TANC1: variants seen among roughly 807,000 people sequenced by gnomAD.
The protein encoded by TANC1 is protein TANC1.
TANC1 carries 77 observed loss-of-function variants against 149.7 expected under a neutral mutation model. The observed-to-expected ratio is 0.51, with a 90% CI of 0.43 to 0.62. The LOEUF is 0.62. Among genes scored for constraint, TANC1 ranks in the 20% least tolerant of loss-of-function variants. TANC1 has a pLI of 0.00. For missense variants in TANC1, 1,985 were observed against 2,321.8 expected, an observed-to-expected ratio of 0.85 and a Z score of 2.98; for synonymous variants, 854 against 925.0, an observed-to-expected ratio of 0.92 and a Z score of 1.39.
At chr2:159,152,514 C>T (rs2052949502) in intron 7 of TANC1, among the ~76,000 whole-genome samples, 2 of 130,774 alleles carry the variant, frequency 1.5e-5, no homozygotes, top group South Asian at 4.8e-4. Context: ...TTTCTTGAGA[C>T]AGGGTTTTGC....
At chr2:159,040,465 C>T (rs2040541036) in intron 2 of TANC1, among the ~76,000 whole-genome samples, 1 of 152,102 alleles carries the variant, frequency 6.6e-6, no homozygotes, top group Non-Finnish European at 1.5e-5. Flanking sequence ...TTTCTTTTTA[C>T]TCTTCTTTCT....
intron 2 of TANC1, among the ~76,000 whole-genome samples, chr2:159,035,495 T>G (rs73969423): frequency 0.097 from 14,757 of 152,254 alleles, 733 homozygotes; most frequent in Non-Finnish European, 0.11. Flanking sequence ...AATCTAAAAT[T>G]TATTCTGAAG....
chr2:159,132,330 A>G (rs1401670944), intron 4 of TANC1, among the ~76,000 whole-genome samples: 1 of 151,972 alleles, frequency 6.6e-6, no homozygotes, highest in Non-Finnish European at 1.5e-5. Context: ...CATTACTGTG[A>G]TTTAGTGTGC....
chr2:158,981,491 T>TTATATATATATATA (rs10602195), intron 1 of TANC1, among the ~76,000 whole-genome samples: 3 of 34,344 alleles, frequency 8.7e-5, no homozygotes, highest in African/African-American at 7.7e-5. Context: ...TATATAGCTT[T>TTATATATATATATA]TATATATATA....
intron 14 of TANC1, among the ~76,000 whole-genome samples, chr2:159,185,012 G>A (rs530895203): frequency 5.3e-5 from 8 of 152,306 alleles, no homozygotes; most frequent in South Asian, 4.1e-4. Context: ...AGGAGGATGC[G>A]TTTTAAAACA....
intron 3 of TANC1, among the ~76,000 whole-genome samples, chr2:159,094,887 G>A (rs2045938139): frequency 1.3e-5 from 2 of 152,080 alleles, no homozygotes; most frequent in Admixed American, 6.5e-5. Flanking sequence ...TTTGTCCTGG[G>A]CATTTGCATG....
Position 159,163,446 on chromosome 2 carries a change from G to C in TANC1, c.846G>C (p.Glu282Asp). Residue 282 changes from glutamate to aspartate, a missense_variant, in exon 8 of 27, where the codon GAG (glutamate) becomes GAC (aspartate). Physicochemically the swap from Glu to Asp is conservative, Grantham distance 45. Transcript: ENST00000263635. ...AAGAGGAGACCACCGGGTCAGCAGA[G>C]AGCACGCTGCCCAAAGCAGAATCCT... Reference protein sequence around the residue: ...VAEEETTGSAESTLPKAESSA... With the variant: ...VAEEETTGSADSTLPKAESSA... 26 of 1,614,092 alleles carry C rather than the reference G, an allele frequency of 1.6e-5. No individual in the cohort carries two copies. The highest frequency in any genetic ancestry group is 2.7e-5 in the African/African-American group (2 of 75,052).
intron 4 of TANC1, among the ~76,000 whole-genome samples, chr2:159,102,290 T>C (rs116974352): frequency 6.6e-6 from 1 of 152,242 alleles, no homozygotes; most frequent in East Asian, 1.9e-4. Flanking sequence ...GTTTTTTTTA[T>C]TTGTTTTGAG....
rs556633968 is a variant in TANC1 at position 159,061,851 on chromosome 2, T to C, written c.-15-4045T>C. 2.6e-5 allele frequency among the ~76,000 whole-genome samples: 4 copies of C among 152,326 alleles called. No homozygotes were observed. The South Asian group carries it at 8.3e-4, about 32-fold the overall frequency. On this transcript the variant is annotated intron_variant, in intron 2 of 26. Transcript: ENST00000263635. ...GTATTTGAGTTCAACAGTACCTTTG[T>C]TCTACTTGCTGTCATAGAGGCTAAG...
intron 19 of TANC1, among the ~76,000 whole-genome samples, chr2:159,214,605 G>A (rs949088308): frequency 2.6e-5 from 4 of 152,252 alleles, no homozygotes; most frequent in African/African-American, 9.6e-5. Context: ...CCCAGTGCAT[G>A]TGAAGGACTG....
At chr2:159,041,911 A>G (rs2040671428) in intron 2 of TANC1, among the ~76,000 whole-genome samples, 1 of 152,158 alleles carries the variant, frequency 6.6e-6, no homozygotes, top group Non-Finnish European at 1.5e-5. Context: ...CTATTCAGCC[A>G]TCTTGGAACC....
chr2:159,224,364 G>C lies in TANC1; in HGVS notation c.3811G>C (p.Gly1271Arg). The C allele has an allele frequency of 6.2e-7, 1 of 1,614,118 alleles. No homozygotes were observed. The highest frequency in any genetic ancestry group is 2.2e-5 in the East Asian group (1 of 44,884). The change falls in exon 23 of 27, where the codon GGA becomes CGA. Residue 1271 changes from glycine to arginine, a missense_variant and splice_region_variant. By Grantham distance (125) the Gly-to-Arg change is moderately radical. Transcript: ENST00000263635. Reference protein sequence around the residue: ...VALLRKGAKLGNAAWAMATSK... With the variant: ...VALLRKGAKLRNAAWAMATSK... ...GCTACTCAGAAAGGGAGCCAAGTTA[G>C]GTCAGTGAGCACTGCCTCCATTGAG... is the stretch of plus-strand genomic sequence containing the variant.
In TANC1 at chr2:159,117,685, C is replaced by T. The variant is rs995880787; in HGVS notation, c.260-18509C>T. Among the ~76,000 whole-genome samples, 67 of 147,758 alleles carry T rather than the reference C, an allele frequency of 4.5e-4. 1 individual carries two copies. The highest frequency in any genetic ancestry group is 1.4e-3 in the African/African-American group (58 of 40,100). ...TGCTGGGATTACAGGCGTGAGCCAC[C>T]GTGCCCGGCCTATTCCTTTTTTTTT... On this transcript the variant is annotated intron_variant, in intron 4 of 26. Coordinates refer to ENST00000263635, the MANE Select transcript of TANC1 (RefSeq NM_033394.3).
chr2:159,097,506 A>C (rs2046258388), intron 3 of TANC1, 131 bp from the exon 4 acceptor site: 1 of 722,500 alleles, frequency 1.4e-6, no homozygotes, highest in East Asian at 2.6e-5. Context: ...GGGAAAAGTC[A>C]TTTAAAAAAA....
chr2:159,056,735 G>C, intron 2 of TANC1: 1 of 287,772 alleles, frequency 3.5e-6, no homozygotes, highest in Admixed American at 3.2e-5. Context: ...ACATGTGCTT[G>C]CCAGCAGTGT....
At chr2:159,017,622 T>G (rs1195837323) in intron 2 of TANC1, among the ~76,000 whole-genome samples, 2 of 152,136 alleles carry the variant, frequency 1.3e-5, no homozygotes, top group East Asian at 3.8e-4. Context: ...TTAAATTTGC[T>G]TATATTTCAC....
At chr2:159,052,237 TC>T (rs368940682) in intron 2 of TANC1, among the ~76,000 whole-genome samples, 2,870 of 95,330 alleles carry the variant, frequency 0.03, 56 homozygotes, top group Non-Finnish European at 0.069. Context: ...TTGTACATTG[TC>T]TGTCACAGTA....
At chr2:159,136,049 T>TGTGTGCGC (rs758453978) in intron 4 of TANC1, 145 bp from the exon 5 acceptor site, 2 of 90,772 alleles carry the variant, frequency 2.2e-5, no homozygotes, top group African/African-American at 1.6e-4. Flanking sequence ...TGTGTGTGTG[T>TGTGTGCGC]GCGCGCGCGC....
chr2:159,075,775 C>T (rs1319466140), intron 3 of TANC1, among the ~76,000 whole-genome samples: 6 of 151,448 alleles, frequency 4.0e-5, no homozygotes, highest in African/African-American at 1.2e-4. Context: ...TTTAAAAAAC[C>T]GTCTGGAAAA....
Sources: gnomAD v4.1 joint callset for allele counts (sites outside exome capture counted in the v4.1 genomes callset) on GRCh38, gnomAD v4.1.1 for gene constraint, MANE v1.5 for transcripts, NCBI Gene and HGNC (gene_info 2026-07-23, HGNC 2026-07-21) for gene names.